SESN1: variants seen among roughly 807,000 people sequenced by gnomAD.
The protein encoded by SESN1 is sestrin 1, also known as sestrin-1.
SESN1 carries 30 observed loss-of-function variants against 59.3 expected under a neutral mutation model. The observed-to-expected ratio is 0.51, with a 90% CI of 0.38 to 0.69. The LOEUF (loss-of-function observed/expected upper bound fraction) is 0.69. Among genes scored for constraint, SESN1 ranks in the 30% least tolerant of loss-of-function variants. The pLI, the probability that SESN1 is intolerant of heterozygous loss-of-function variation, is 0.00. For synonymous variants in SESN1, 197 were observed against 219.9 expected (o/e 0.90, Z 0.92); for missense variants, 566 against 673.0 (o/e 0.84, Z 1.76).
intron 1 of SESN1, among the ~76,000 whole-genome samples, chr6:109,045,352 T>G (rs916616269): frequency 1.3e-5 from 2 of 152,172 alleles, no homozygotes; most frequent in African/African-American, 4.8e-5. Context: ...TCTAGCCTAT[T>G]CTCTACACTG....
chr6:109,082,809 A>G (rs1781148209), intron 1 of SESN1, among the ~76,000 whole-genome samples: 4 of 152,332 alleles, frequency 2.6e-5, no homozygotes, highest in African/African-American at 9.6e-5. Context: ...TGCGGGATGT[A>G]TGAAAGTCAA....
intron 6 of SESN1, among the ~76,000 whole-genome samples, chr6:108,993,945 G>A (rs913276196): frequency 4.0e-5 from 6 of 151,602 alleles, no homozygotes; most frequent in African/African-American, 7.3e-5. Context: ...GAAGAGAAGC[G>A]TGGGCAATAT....
intron 1 of SESN1, 24 bp from the exon 2 acceptor site, chr6:109,002,367 T>A: frequency 6.2e-7 from 1 of 1,601,832 alleles, no homozygotes. Flanking sequence ...TTACACCATC[T>A]CAGGCCTTTG....
intron 1 of SESN1, among the ~76,000 whole-genome samples, chr6:109,078,190 T>G (rs1366932649): frequency 6.6e-6 from 1 of 152,098 alleles, no homozygotes; most frequent in African/African-American, 2.4e-5. Flanking sequence ...GTGACCAGCC[T>G]AGGAAACATA....
chr6:109,030,526 T>G (rs1213397616), intron 1 of SESN1, among the ~76,000 whole-genome samples: 2 of 152,190 alleles, frequency 1.3e-5, no homozygotes, highest in Non-Finnish European at 2.9e-5. Context: ...TAAAGTTACT[T>G]TATCCATAAG....
At position 109,057,315 on chromosome 6, in the gene SESN1, G is replaced by C. The variant is rs75669434; in HGVS notation, c.279+36480C>G. 8.8e-3 allele frequency among the ~76,000 whole-genome samples: 1,339 copies of C among 152,288 alleles called. 28 individuals carry two copies. The highest frequency in any genetic ancestry group is 0.031 in the African/African-American group (1,288 of 41,548). ...ATGCCAGAAATATAGTGATTGATAC[G>C]TGAAGGTACAACAGACTTTTTACAA... On this transcript the variant is annotated intron_variant, in intron 1 of 9. Transcript: ENST00000436639.
At chr6:109,039,924 A>G (rs761160118) in intron 1 of SESN1, among the ~76,000 whole-genome samples, 3 of 152,206 alleles carry the variant, frequency 2.0e-5, no homozygotes, top group Non-Finnish European at 4.4e-5. Flanking sequence ...GGATTATTTC[A>G]TGGCCACAGA....
At chr6:109,064,788 G>A (rs941871752) in intron 1 of SESN1, among the ~76,000 whole-genome samples, 1 of 151,906 alleles carries the variant, frequency 6.6e-6, no homozygotes, top group Admixed American at 6.6e-5. Flanking sequence ...ATATCGCTGA[G>A]AGTACACTTT....
intron 1 of SESN1, chr6:109,009,553 G>A (rs1779816080): frequency 1.0e-6 from 1 of 986,520 alleles, no homozygotes; most frequent in Non-Finnish European, 1.2e-6. Context: ...CAGCACGGAC[G>A]GCGGGGGGGC....
intron 1 of SESN1, among the ~76,000 whole-genome samples, chr6:109,021,637 T>C (rs1198135596): frequency 6.6e-6 from 1 of 152,084 alleles, no homozygotes; most frequent in Non-Finnish European, 1.5e-5. Context: ...AGACGGGGTT[T>C]CACTATGTTG....
chr6:109,086,683 A>T (rs982695850), intron 1 of SESN1, among the ~76,000 whole-genome samples: 1 of 152,246 alleles, frequency 6.6e-6, no homozygotes, highest in Non-Finnish European at 1.5e-5. Flanking sequence ...ACAACCCATG[A>T]TCTTAAAGTA....
chr6:109,082,748 G>T (rs1393888418), intron 1 of SESN1, among the ~76,000 whole-genome samples: 3 of 152,172 alleles, frequency 2.0e-5, no homozygotes, highest in African/African-American at 4.8e-5. Flanking sequence ...TATTAAAATG[G>T]AATTTAATGT....
rs1781415875 is a variant in SESN1 at position 109,094,126 on chromosome 6, A to T, written c.-53T>A. 6.5e-7 allele frequency: 1 copy of T among 1,528,584 alleles called. No homozygotes were observed. The highest frequency in any genetic ancestry group is 1.2e-5 in the South Asian group (1 of 82,130). 94.7% of individuals were successfully genotyped at this position (1,528,584 alleles called of 1,614,324 possible). ...AGTTACCTTTCAGCATGCCCCAAAA[A>T]AATTGCTTTGTATTTTTAAAATGAA... On this transcript the variant is annotated 5_prime_UTR_variant, in exon 1 of 10. Transcript: ENST00000436639.
chr6:109,037,677 T>C (rs1330663432), intron 1 of SESN1, among the ~76,000 whole-genome samples: 1 of 152,192 alleles, frequency 6.6e-6, no homozygotes, highest in African/African-American at 2.4e-5. Context: ...GAAATATTTA[T>C]CATATTATAG....
intron 2 of SESN1, 89 bp from the exon 3 acceptor site, chr6:109,001,577 T>C (rs1779626674): frequency 8.8e-7 from 1 of 1,141,012 alleles, no homozygotes; most frequent in Non-Finnish European, 1.3e-6. Flanking sequence ...TAAGTATCAT[T>C]TAGAAGCAGA....
intron 1 of SESN1, among the ~76,000 whole-genome samples, chr6:109,005,215 A>G (rs1779709106): frequency 6.6e-6 from 1 of 152,250 alleles, no homozygotes; most frequent in African/African-American, 2.4e-5. Context: ...GCATGACCAT[A>G]TAATAGAGTA....
intron 5 of SESN1, among the ~76,000 whole-genome samples, chr6:108,997,188 A>G (rs1289929544): frequency 6.6e-6 from 1 of 152,222 alleles, no homozygotes; most frequent in Non-Finnish European, 1.5e-5. Flanking sequence ...TTACCTGGGA[A>G]TAGGAAGCTT....
intron 1 of SESN1, among the ~76,000 whole-genome samples, chr6:109,019,848 T>C (rs1779982411): frequency 2.0e-5 from 3 of 152,218 alleles, no homozygotes; most frequent in Non-Finnish European, 4.4e-5. Flanking sequence ...AAGTATTCAA[T>C]TAGATTTTAA....
rs1311796841 is a variant in SESN1 at position 109,008,888 on chromosome 6, TTCTC to T, written c.280-6549_280-6546del. 2.6e-5 allele frequency: 26 copies of T among 986,326 alleles called. No homozygotes were observed. In the South Asian group the frequency reaches 9.8e-4, roughly 37 times the overall value. The allele number at this position is 986,326 out of a possible 1,614,324, so 61.1% of individuals were successfully genotyped here. A position where few individuals can be genotyped will look rare whatever the true frequency, so the allele number is the denominator to read the frequency against. ...CCTGAGTCAAATGTGTTTTTTTTCT[TTCTC>T]TCTCTTTTAAGTAGGAGGCAAAGGG... On this transcript the variant is annotated intron_variant, in intron 1 of 9. Coordinates refer to ENST00000436639, the MANE Select transcript of SESN1 (RefSeq NM_014454.3).
Sources: allele counts gnomAD v4.1 joint callset (sites outside exome capture counted in the v4.1 genomes callset), GRCh38; gene constraint gnomAD v4.1.1; transcripts MANE v1.5; gene names NCBI Gene and HGNC (gene_info 2026-07-23, HGNC 2026-07-21).